MAP2K6: variants seen among roughly 807,000 people sequenced by gnomAD.
MAP2K6 encodes mitogen-activated protein kinase kinase 6, also known as dual specificity mitogen-activated protein kinase kinase 6.
In MAP2K6, 16 loss-of-function variants were observed where a neutral mutation model predicts 53.7. The observed-to-expected ratio is 0.30, with a 90% CI of 0.20 to 0.45. The LOEUF (loss-of-function observed/expected upper bound fraction) is 0.45, where lower values mean the gene tolerates loss of function less well. Among genes scored for constraint, MAP2K6 ranks in the 20% least tolerant of loss-of-function variants. The pLI, the probability that MAP2K6 is intolerant of heterozygous loss-of-function variation, is 1.00. For synonymous variants in MAP2K6, 132 were observed against 143.1 expected, an observed-to-expected ratio of 0.92 and a Z score of 0.55; for missense variants, 204 against 411.9, an observed-to-expected ratio of 0.50 and a Z score of 4.37.
intron 1 of MAP2K6, among the ~76,000 whole-genome samples, chr17:69,421,835 G>A (rs1374716745): frequency 1.3e-5 from 2 of 151,832 alleles, no homozygotes; most frequent in African/African-American, 4.8e-5. Flanking sequence ...GAGCCACCAC[G>A]CCCGGCCCAG....
intron 1 of MAP2K6, among the ~76,000 whole-genome samples, chr17:69,460,344 G>A (rs1907581456): frequency 6.6e-6 from 1 of 152,178 alleles, no homozygotes; most frequent in African/African-American, 2.4e-5. Context: ...GCACCATTAG[G>A]AAGACGGAGG....
intron 1 of MAP2K6, among the ~76,000 whole-genome samples, chr17:69,503,580 G>A (rs1909283882): frequency 1.3e-5 from 2 of 152,158 alleles, no homozygotes; most frequent in Admixed American, 1.3e-4. Context: ...TTACTGCGAA[G>A]CATATTTTTT....
intron 1 of MAP2K6, among the ~76,000 whole-genome samples, chr17:69,469,866 A>G (rs985561310): frequency 3.9e-5 from 6 of 152,148 alleles, no homozygotes; most frequent in Admixed American, 1.3e-4. Context: ...GAGCCACATC[A>G]TGGTCGGTGG....
At chr17:69,534,333 C>T (rs968768774) in intron 10 of MAP2K6, among the ~76,000 whole-genome samples, 1 of 152,172 alleles carries the variant, frequency 6.6e-6, no homozygotes, top group Non-Finnish European at 1.5e-5. Flanking sequence ...ATTCCTCTTT[C>T]TAATGCGCTC....
At chr17:69,448,225 G>T (rs2145154592) in intron 1 of MAP2K6, among the ~76,000 whole-genome samples, 1 of 147,024 alleles carries the variant, frequency 6.8e-6, no homozygotes, top group Middle Eastern at 3.5e-3. Context: ...GGGAAATATT[G>T]TAATATGGTT....
intron 1 of MAP2K6, among the ~76,000 whole-genome samples, chr17:69,457,826 CAA>C (rs1327258609): frequency 6.6e-6 from 1 of 151,976 alleles, no homozygotes; most frequent in African/African-American, 2.4e-5. Context: ...CAAAACAAAA[CAA>C]AAGAGGCAGG....
rs1423296177 is a variant in MAP2K6 at position 69,550,123 on chromosome 17, G to A, written c.*8370G>A. On this transcript the variant is annotated 3_prime_UTR_variant, in exon 12 of 12. Transcript: ENST00000590474. The stretch of plus-strand genomic sequence containing the variant: ...GAGCTATAAGAAGATTCAGAGAGTG[G>A]CATTAATTTGGGCATCAGAACATTT... 2.6e-5 allele frequency: 4 copies of A among 152,144 alleles called. No homozygotes were observed. Among genetic ancestry groups the A allele is most frequent in the Non-Finnish European group, 5.9e-5 (4 of 68,028 alleles). 9.4% of individuals were successfully genotyped at this position (152,144 alleles called of 1,614,324 possible). A position where few individuals can be genotyped will look rare whatever the true frequency, so the allele number is the denominator to read the frequency against.
In MAP2K6 at chr17:69,483,254, G is replaced by A. The variant is rs80068338; in HGVS notation, c.17-22526G>A. ...TAGCACTTACAAGCAAGTTCAGCAA[G>A]GGTGCAGGATACAAGATTAACATAC... On this transcript the variant is annotated intron_variant, in intron 1 of 11. Transcript: ENST00000590474. Among the ~76,000 whole-genome samples, 152 of 152,042 alleles carry A rather than the reference G, an allele frequency of 1.0e-3. 1 individual carries two copies. The East Asian group carries it at 0.017, about 17-fold the overall frequency.
intron 1 of MAP2K6, among the ~76,000 whole-genome samples, chr17:69,415,641 G>C (rs1003245112): frequency 6.6e-6 from 1 of 152,130 alleles, no homozygotes; most frequent in Non-Finnish European, 1.5e-5. Context: ...TTATTGGCTC[G>C]CAAAATTTAG....
rs571046561 is a variant in MAP2K6, at chr17:69,545,537, A to C, written c.*3784A>C. The C allele has an allele frequency of 6.6e-6, 1 of 152,258 alleles. No homozygotes were observed. The highest frequency in any genetic ancestry group is 2.1e-4 in the South Asian group (1 of 4,814). The allele number at this position is 152,258 out of a possible 1,614,324, so 9.4% of individuals were successfully genotyped here. ...TGTATATCCTTCAAGCCTAACAAAA[A>C]ATTGTATGTGCCAGAGATTCCTAAA... On this transcript the variant is annotated 3_prime_UTR_variant, in exon 12 of 12. Transcript: ENST00000590474.
intron 1 of MAP2K6, among the ~76,000 whole-genome samples, chr17:69,479,782 A>G (rs1363491823): frequency 6.8e-6 from 1 of 148,132 alleles, no homozygotes; most frequent in Admixed American, 6.8e-5. Context: ...CAATGGTGCG[A>G]TCTCAGCTCA....
At position 69,529,365 on chromosome 17, in the gene MAP2K6, A is replaced by T. The variant is rs762389648; in HGVS notation, c.881+2656A>T. On this transcript the variant is annotated intron_variant, in intron 10 of 11. Transcript: ENST00000590474. ...AAGGTTTATTTTCTTCAATTTGTTT[A>T]AAAAAAATCATCCAATTGCTTGAAT... Among the ~76,000 whole-genome samples the T allele has an allele frequency of 4.1e-5, 6 of 147,504 alleles. No individual in the cohort carries two copies. The South Asian group carries it at 6.2e-4, about 15-fold the overall frequency.
At chr17:69,526,164 A>G (rs1213826190) in intron 9 of MAP2K6, among the ~76,000 whole-genome samples, 1 of 152,178 alleles carries the variant, frequency 6.6e-6, no homozygotes, top group Non-Finnish European at 1.5e-5. Context: ...TCATTTCACC[A>G]AGGGACCTGA....
chr17:69,417,021 C>G (rs1167164338), intron 1 of MAP2K6, among the ~76,000 whole-genome samples: 1 of 152,100 alleles, frequency 6.6e-6, no homozygotes, highest in Non-Finnish European at 1.5e-5. Flanking sequence ...TACTGGTGGT[C>G]CTTCAAATCA....
chr17:69,520,167 G>T (rs1191178831), intron 5 of MAP2K6, 103 bp from the exon 6 acceptor site: 2 of 651,778 alleles, frequency 3.1e-6, no homozygotes, highest in Admixed American at 3.3e-5. Flanking sequence ...ATTCAAGAAA[G>T]AAATAGTTAA....
intron 1 of MAP2K6, among the ~76,000 whole-genome samples, chr17:69,429,373 C>T (rs1906382662): frequency 6.6e-6 from 1 of 151,726 alleles, no homozygotes; most frequent in Non-Finnish European, 1.5e-5. Flanking sequence ...TCACTTGGGC[C>T]CAGGAGTTCA....
At chr17:69,444,948 C>T (rs1435373536) in intron 1 of MAP2K6, among the ~76,000 whole-genome samples, 2 of 152,176 alleles carry the variant, frequency 1.3e-5, no homozygotes, top group Non-Finnish European at 2.9e-5. Flanking sequence ...GAGATGAAGA[C>T]TCACTCTTGT....
At chr17:69,535,827 A>G (rs1005170029) in intron 10 of MAP2K6, among the ~76,000 whole-genome samples, 39 of 152,250 alleles carry the variant, frequency 2.6e-4, no homozygotes, top group African/African-American at 7.9e-4. Flanking sequence ...TAAAATGGCT[A>G]TAGATCAGAA....
intron 1 of MAP2K6, among the ~76,000 whole-genome samples, chr17:69,461,411 C>T (rs1907619080): frequency 6.6e-6 from 1 of 152,330 alleles, no homozygotes; most frequent in East Asian, 1.9e-4. Flanking sequence ...ATCCTTTTCT[C>T]CTTCAGCGGA....
Sources: allele counts gnomAD v4.1 joint callset (sites outside exome capture counted in the v4.1 genomes callset), GRCh38; gene constraint gnomAD v4.1.1; transcripts MANE v1.5; gene names NCBI Gene and HGNC (gene_info 2026-07-23, HGNC 2026-07-21).